Variants in PCDHB3 observed in about 807,000 individuals in gnomAD.
PCDHB3 encodes the protein protocadherin beta 3, also known as protocadherin beta-3.
For missense variants in PCDHB3, 967 were observed against 1,012.1 expected (o/e 0.96, Z 0.60); for synonymous variants, 479 against 456.0 (o/e 1.05, Z -0.64).
In PCDHB3 at chr5:141,102,203, G is replaced by C. The variant is rs369554627; in HGVS notation, c.1554G>C (p.Ser518=). The change falls in exon 1 of 1, where the codon TCG becomes TCC. Residue 518 remains serine, a synonymous_variant. Transcript: ENST00000231130. ...ACGGCCACCTGTTTGCCCTCAGGTC[G>C]CTGGACTACGAGGCCCTGCAGGCGT... is the stretch of plus-strand genomic sequence containing the variant. The part of the protein sequence containing the change: ...ADNGHLFALR[S]LDYEALQAFE... The C allele has an allele frequency of 2.5e-6, 4 of 1,612,664 alleles. No homozygotes were observed. In the South Asian group the frequency reaches 3.3e-5, roughly 13 times the overall value.
At position 141,101,551 on chromosome 5, in the gene PCDHB3, T is replaced by C. The variant is rs1751942424; in HGVS notation, c.902T>C (p.Met301Thr). 1 of 1,614,086 alleles carries C rather than the reference T, an allele frequency of 6.2e-7. No homozygotes were observed. Among genetic ancestry groups the C allele is most frequent in the Admixed American group, 1.7e-5 (1 of 60,012 alleles). ...CAGCTAAATCCAATTACTGGTGATA[T>C]GCAACTGGTCAAATATTTGAATTTT... The part of the protein sequence containing the change: ...TFQLNPITGD[M>T]QLVKYLNFEA... The change falls in exon 1 of 1, where the codon ATG (methionine) becomes ACG (threonine). Residue 301 changes from methionine (M) to threonine (T), a missense_variant. By Grantham distance (81) the Met-to-Thr change is moderately conservative (BLOSUM62 -1). Coordinates refer to ENST00000231130, the MANE Select transcript of PCDHB3 (RefSeq NM_018937.5).
At position 141,101,869 on chromosome 5, in the gene PCDHB3, G is replaced by A; in HGVS notation, c.1220G>A (p.Gly407Asp). The change falls in exon 1 of 1, where the codon GGC (glycine) becomes GAC (aspartate). Residue 407 changes from glycine to aspartate, a missense_variant. Coordinates refer to ENST00000231130, the MANE Select transcript of PCDHB3 (RefSeq NM_018937.5). ...AATTTTTACACCCTAGTGTCAGAAGGCGCGCTGGACAGAGAGACCAGATCC... is the reference window on the plus strand; with the variant it reads ...AATTTTTACACCCTAGTGTCAGAAGACGCGCTGGACAGAGAGACCAGATCC... ...VENFYTLVSEGALDRETRSEY... is the reference protein window; with the variant it reads ...VENFYTLVSEDALDRETRSEY... The A allele has an allele frequency of 6.2e-7, 1 of 1,613,920 alleles. No homozygotes were observed. Among genetic ancestry groups the A allele is most frequent in the Non-Finnish European group, 8.5e-7 (1 of 1,179,966 alleles).
rs781974502 is a variant in PCDHB3, at chr5:141,101,808, A to G, written c.1159A>G (p.Asn387Asp). 1.2e-6 allele frequency: 2 copies of G among 1,613,812 alleles called. No individual in the cohort carries two copies. Among genetic ancestry groups the G allele is most frequent in the Admixed American group, 3.3e-5 (2 of 59,994 alleles). ...CGGAAGAGTGATGTGTTCCATTGAG[A>G]ACAATCTCCCCTTCTTCCTGAAACC... ...DNGRVMCSIE[N>D]NLPFFLKPSV... Residue 387 changes from asparagine (N) to aspartate (D), a missense_variant, in exon 1 of 1, where the codon AAC becomes GAC. Physicochemically the swap from Asn to Asp is conservative, Grantham distance 23. Coordinates refer to ENST00000231130, the MANE Select transcript of PCDHB3 (RefSeq NM_018937.5).
rs1751955978 is a variant in PCDHB3 at position 141,101,967 on chromosome 5, C to T, written c.1318C>T (p.Leu440=). 6.2e-7 allele frequency: 1 copy of T among 1,613,728 alleles called. No homozygotes were observed. The highest frequency in any genetic ancestry group is 2.2e-5 in the East Asian group (1 of 44,876). The change falls in exon 1 of 1, where the codon CTG becomes TTG. Residue 440 remains leucine, a synonymous_variant. Transcript: ENST00000231130. ...GAAAACCAAGTACAACATAACCGTG[C>T]TGGTCTCCGACGTCAATGACAACGC... The part of the protein sequence containing the change: ...RLKTKYNITV[L]VSDVNDNAPA...
chr5:141,102,027 G>C lies in PCDHB3; in HGVS notation c.1378G>C (p.Val460Leu), dbSNP rs1304742998. ...CACCCAAATCTCCTACACCCTGTTC[G>C]TCCGCGAGAACAACAGCCCCGCCCT... ...AFTQISYTLF[V>L]RENNSPALHI... Residue 460 changes from valine (V) to leucine (L), a missense_variant, in exon 1 of 1, where the codon GTC becomes CTC. Coordinates refer to ENST00000231130, the MANE Select transcript of PCDHB3 (RefSeq NM_018937.5). 6 of 1,613,080 alleles carry C rather than the reference G, an allele frequency of 3.7e-6. No individual in the cohort carries two copies. Among genetic ancestry groups the C allele is most frequent in the South Asian group, 2.2e-5 (2 of 91,030 alleles).
rs782020503 is a variant in PCDHB3, at chr5:141,100,795, C to G, written c.146C>G (p.Ala49Gly). 1.2e-6 allele frequency: 2 copies of G among 1,614,066 alleles called. No homozygotes were observed. Among genetic ancestry groups the G allele is most frequent in the East Asian group, 4.5e-5 (2 of 44,872 alleles). The change falls in exon 1 of 1, where the codon GCA becomes GGA. Residue 49 changes from alanine (A) to glycine (G), a missense_variant. By Grantham distance (60) the Ala-to-Gly change is moderately conservative. Coordinates refer to ENST00000231130, the MANE Select transcript of PCDHB3 (RefSeq NM_018937.5). ...KEKGFLIANL[A>G]KDLGLRVEEL... ...AAGGGCTTTTTAATAGCCAACCTAGCAAAGGATCTGGGACTAAGGGTAGAG... is the reference window on the plus strand; with the variant it reads ...AAGGGCTTTTTAATAGCCAACCTAGGAAAGGATCTGGGACTAAGGGTAGAG...
In PCDHB3 at chr5:141,100,789, A is replaced by C. The variant is rs368679064; in HGVS notation, c.140A>C (p.Asn47Thr). 1 of 1,614,138 alleles carries C rather than the reference A, an allele frequency of 6.2e-7. No homozygotes were observed. Among genetic ancestry groups the C allele is most frequent in the South Asian group, 1.1e-5 (1 of 91,080 alleles). The change falls in exon 1 of 1, where the codon AAC becomes ACC. Residue 47 changes from asparagine to threonine, a missense_variant. Physicochemically the swap from Asn to Thr is moderately conservative, Grantham distance 65 (BLOSUM62 0). Transcript: ENST00000231130. ...EEKEKGFLIA[N>T]LAKDLGLRVE... ...AAAGAGAAGGGCTTTTTAATAGCCAACCTAGCAAAGGATCTGGGACTAAGG... is the reference window on the plus strand; with the variant it reads ...AAAGAGAAGGGCTTTTTAATAGCCACCCTAGCAAAGGATCTGGGACTAAGG...
Position 141,101,941 on chromosome 5 carries a change from T to G in PCDHB3, c.1292T>G (p.Leu431Arg). Residue 431 changes from leucine (L) to arginine (R), a missense_variant, in exon 1 of 1, where the codon CTG becomes CGG. Leu to Arg is a moderately radical substitution (Grantham distance 102, BLOSUM62 -2). Coordinates refer to ENST00000231130, the MANE Select transcript of PCDHB3 (RefSeq NM_018937.5). ...ATCACTGACCTGGGGACACCCAGGC[T>G]GAAAACCAAGTACAACATAACCGTG... ...ITITDLGTPR[L>R]KTKYNITVLV... The G allele has an allele frequency of 6.2e-7, 1 of 1,614,020 alleles. No homozygotes were observed. The highest frequency in any genetic ancestry group is 1.1e-5 in the South Asian group (1 of 91,066).
In PCDHB3 at chr5:141,101,415, C is replaced by T. The variant is rs1031355369; in HGVS notation, c.766C>T (p.Pro256Ser). 6.2e-7 allele frequency: 1 copy of T among 1,614,028 alleles called. No homozygotes were observed. The highest frequency in any genetic ancestry group is 1.3e-5 in the African/African-American group (1 of 74,920). Reference sequence around the variant, plus strand: ...TGAGGTTGCAGTTCTAGAGAATACCCCCGTTAACTCTGTCATTGTCACTGT... The same window carrying T: ...TGAGGTTGCAGTTCTAGAGAATACCTCCGTTAACTCTGTCATTGTCACTGT... ...LYEVAVLENT[P>S]VNSVIVTVSA... Residue 256 changes from proline (P) to serine (S), a missense_variant, in exon 1 of 1, where the codon CCC becomes TCC. Pro to Ser is a moderately conservative substitution (Grantham distance 74). Transcript: ENST00000231130.
In PCDHB3 at chr5:141,101,228, A is replaced by G. The variant is rs1751931628; in HGVS notation, c.579A>G (p.Glu193=). ...RSRRDGRKYP[E]LVLDKALDPE... ...GTAGGGACGGAAGGAAGTACCCGGA[A>G]CTAGTACTGGATAAAGCGCTCGATC... is the stretch of plus-strand genomic sequence containing the variant. Residue 193 remains glutamate (E), a synonymous_variant, in exon 1 of 1, where the codon GAA becomes GAG. Coordinates refer to ENST00000231130, the MANE Select transcript of PCDHB3 (RefSeq NM_018937.5). 3.7e-6 allele frequency: 6 copies of G among 1,614,046 alleles called. No individual in the cohort carries two copies. The East Asian group carries it at 1.1e-4, about 30-fold the overall frequency.
At position 141,102,782 on chromosome 5, in the gene PCDHB3, G is replaced by A. The variant is rs1751993719; in HGVS notation, c.2133G>A (p.Val711=). ...TTTCGGTGCTCCTGTTCGTGGCGGTGCGGCTGTGCAGGAGGAGCAGGGCGG... is the reference window on the plus strand; with the variant it reads ...TTTCGGTGCTCCTGTTCGTGGCGGTACGGCTGTGCAGGAGGAGCAGGGCGG... ...FLFSVLLFVA[V]RLCRRSRAAS... The change falls in exon 1 of 1, where the codon GTG becomes GTA. Residue 711 remains valine (V), a synonymous_variant. Coordinates refer to ENST00000231130, the MANE Select transcript of PCDHB3 (RefSeq NM_018937.5). The A allele has an allele frequency of 6.2e-7, 1 of 1,612,134 alleles. No homozygotes were observed. Among genetic ancestry groups the A allele is most frequent in the Non-Finnish European group, 8.5e-7 (1 of 1,179,784 alleles).
chr5:141,102,608 G>A lies in PCDHB3; in HGVS notation c.1959G>A (p.Ser653=), dbSNP rs1554272621. 5.6e-6 allele frequency: 9 copies of A among 1,608,706 alleles called. No individual in the cohort carries two copies. The East Asian group carries it at 1.3e-4, about 24-fold the overall frequency. Residue 653 remains serine, a synonymous_variant, in exon 1 of 1, where the codon TCG becomes TCA. Transcript: ENST00000231130. ...LVKDNGEPPR[S]ATATLHVLLV... ...AGGACAATGGCGAGCCTCCGCGCTC[G>A]GCCACCGCCACGCTGCATGTGCTCC...
Position 141,102,701 on chromosome 5 carries a change from C to T in PCDHB3, c.2052C>T (p.Asp684=), listed in dbSNP as rs1751989531. The change falls in exon 1 of 1, where the codon GAC becomes GAT. Residue 684 remains aspartate, a synonymous_variant. Coordinates refer to ENST00000231130, the MANE Select transcript of PCDHB3 (RefSeq NM_018937.5). Reference sequence around the variant, plus strand: ...CGGCACCGGCCCAGGCCCAGGCCGACTTGCTCACCGTCTACCTGGTGGTGG... The same window carrying T: ...CGGCACCGGCCCAGGCCCAGGCCGATTTGCTCACCGTCTACCTGGTGGTGG... The part of the protein sequence containing the change: ...PEAAPAQAQA[D]LLTVYLVVAL... The T allele has an allele frequency of 6.2e-7, 1 of 1,611,934 alleles. No individual in the cohort carries two copies. Among genetic ancestry groups the T allele is most frequent in the Non-Finnish European group, 8.5e-7 (1 of 1,179,798 alleles).
At position 141,102,972 on chromosome 5, in the gene PCDHB3, G is replaced by A. The variant is rs781893058; in HGVS notation, c.2323G>A (p.Val775Ile). ...CCTGAAGCCAATTATCCCCAACTTC[G>A]TTGCTCAGGGTGCAGAGAGGGTTAG... ...KFLKPIIPNFVAQGAERVSEA... is the reference protein window; with the variant it reads ...KFLKPIIPNFIAQGAERVSEA... The change falls in exon 1 of 1, where the codon GTT (valine) becomes ATT (isoleucine). Residue 775 changes from valine to isoleucine, a missense_variant. By Grantham distance (29) the Val-to-Ile change is conservative. Coordinates refer to ENST00000231130, the MANE Select transcript of PCDHB3 (RefSeq NM_018937.5). 3 of 1,602,988 alleles carry A rather than the reference G, an allele frequency of 1.9e-6. No individual in the cohort carries two copies. The highest frequency in any genetic ancestry group is 2.6e-6 in the Non-Finnish European group (3 of 1,175,044).
Position 141,102,659 on chromosome 5 carries a change from C to G in PCDHB3, c.2010C>G (p.Tyr670Ter). 1 of 1,611,088 alleles carries G rather than the reference C, an allele frequency of 6.2e-7. No individual in the cohort carries two copies. Among genetic ancestry groups the G allele is most frequent in the Non-Finnish European group, 8.5e-7 (1 of 1,179,786 alleles). The change falls in exon 1 of 1, where the codon TAC (tyrosine) becomes TAG (stop). Residue 670 changes from tyrosine to a stop codon, truncating the protein, a stop_gained. Transcript: ENST00000231130. LOFTEE classifies it low-confidence loss of function (END_TRUNC). ...TGGTGGACGGCTTCTCCCAGCCCTACCTGCCTCTCCCGGAGGCGGCACCGG... is the reference window on the plus strand; with the variant it reads ...TGGTGGACGGCTTCTCCCAGCCCTAGCTGCCTCTCCCGGAGGCGGCACCGG... Reference protein sequence around the residue: ...VLLVDGFSQPYLPLPEAAPAQ... With the variant: ...VLLVDGFSQP
Position 141,103,063 on chromosome 5 carries a change from C to T in PCDHB3, c.*23C>T. The T allele has an allele frequency of 6.3e-7, 1 of 1,582,856 alleles. No individual in the cohort carries two copies. The highest frequency in any genetic ancestry group is 8.6e-7 in the Non-Finnish European group (1 of 1,164,622). ...TAAGTGTTAATAAGGATCTACTGAG[C>T]CTCGTCTTAGTTAATCTGTGGAAAG... On this transcript the variant is annotated 3_prime_UTR_variant, in exon 1 of 1. Transcript: ENST00000231130.
Position 141,100,558 on chromosome 5 carries a change from T to G in PCDHB3, c.-92T>G, listed in dbSNP as rs1379873277. ...CTGGAAAGGCTTATTCACTAGGCCG[T>G]CTACAAAGGTTGTGGGGCAAAAGAC... On this transcript the variant is annotated 5_prime_UTR_variant, in exon 1 of 1. Coordinates refer to ENST00000231130, the MANE Select transcript of PCDHB3 (RefSeq NM_018937.5). The G allele has an allele frequency of 9.8e-7, 1 of 1,019,876 alleles. No individual in the cohort carries two copies. The highest frequency in any genetic ancestry group is 1.5e-6 in the Non-Finnish European group (1 of 683,866). 63.2% of individuals were successfully genotyped at this position (1,019,876 alleles called of 1,614,324 possible).
In PCDHB3 at chr5:141,103,109, C is replaced by T; in HGVS notation, c.*69C>T. Reference sequence around the variant, plus strand: ...GAAAGTCCTTTTTTACTGCTTTGTCCATTGGAGAGGTCTTTTTTGGTCTGG... The same window carrying T: ...GAAAGTCCTTTTTTACTGCTTTGTCTATTGGAGAGGTCTTTTTTGGTCTGG... On this transcript the variant is annotated 3_prime_UTR_variant, in exon 1 of 1. Transcript: ENST00000231130. 2 of 1,517,060 alleles carry T rather than the reference C, an allele frequency of 1.3e-6. No individual in the cohort carries two copies. The highest frequency in any genetic ancestry group is 4.5e-5 in the East Asian group (2 of 44,250). 94.0% of individuals were successfully genotyped at this position (1,517,060 alleles called of 1,614,324 possible).
Position 141,101,696 on chromosome 5 carries a change from G to T in PCDHB3, c.1047G>T (p.Leu349Phe), listed in dbSNP as rs782389680. ...ACGACAACCCACCGGAACTGACCTTGTCTTCAGTAAACAGCCCTATTCCTG... is the reference window on the plus strand; with the variant it reads ...ACGACAACCCACCGGAACTGACCTTTTCTTCAGTAAACAGCCCTATTCCTG... ...DVNDNPPELT[L>F]SSVNSPIPEN... Residue 349 changes from leucine (L) to phenylalanine (F), a missense_variant, in exon 1 of 1, where the codon TTG becomes TTT. Transcript: ENST00000231130. 6.2e-7 allele frequency: 1 copy of T among 1,613,862 alleles called. No individual in the cohort carries two copies. The highest frequency in any genetic ancestry group is 8.5e-7 in the Non-Finnish European group (1 of 1,179,918).
Sources: allele counts gnomAD v4.1 joint callset, GRCh38; gene constraint gnomAD v4.1.1; transcripts MANE v1.5; gene names NCBI Gene and HGNC (gene_info 2026-07-23, HGNC 2026-07-21).